KCNN2: variants seen among roughly 807,000 people sequenced by gnomAD.
The protein encoded by KCNN2 is potassium calcium-activated channel subfamily N member 2, also known as small conductance calcium-activated potassium channel protein 2.
KCNN2 carries 24 observed loss-of-function variants against 55.5 expected under a neutral mutation model. The observed-to-expected ratio is 0.43, with a 90% CI of 0.31 to 0.61. The LOEUF is 0.61. Ranked by LOEUF, KCNN2 falls within the 20% of genes least tolerant of loss-of-function variation. KCNN2 has a pLI of 0.08. For missense variants in KCNN2, 754 were observed against 853.6 expected, an observed-to-expected ratio of 0.88 and a Z score of 1.45; for synonymous variants, 431 against 336.1, an observed-to-expected ratio of 1.28 and a Z score of -3.09.
rs139352881 is a variant in KCNN2 at position 114,362,840 on chromosome 5, G to C, written c.701G>C (p.Arg234Pro). The C allele has an allele frequency of 6.3e-7, 1 of 1,599,994 alleles. No individual in the cohort carries two copies. The highest frequency in any genetic ancestry group is 1.3e-5 in the African/African-American group (1 of 74,820). The change falls in exon 1 of 8, where the codon CGG (arginine) becomes CCG (proline). Residue 234 changes from arginine (R) to proline (P), a missense_variant. Coordinates refer to ENST00000673685, the MANE Select transcript of KCNN2 (RefSeq NM_021614.4). ...CTCAGCAACTTGAGCGCGTCCCGCC[G>C]GAACCTGCACGAGATGGACTCAGAG... ...RPLSNLSASR[R>P]NLHEMDSEAQ...
intron 1 of KCNN2, among the ~76,000 whole-genome samples, chr5:114,128,885 C>G (rs999803071): frequency 5.3e-5 from 8 of 152,134 alleles, no homozygotes; most frequent in African/African-American, 1.7e-4. Context: ...ATTTAATTCT[C>G]TTATCTTGGA....
chr5:114,146,719 G>A (rs1752404924), intron 1 of KCNN2, among the ~76,000 whole-genome samples: 1 of 152,180 alleles, frequency 6.6e-6, no homozygotes, highest in Non-Finnish European at 1.5e-5. Flanking sequence ...TGTTTAGCTT[G>A]TTTCCAACTC....
intron 2 of KCNN2, among the ~76,000 whole-genome samples, chr5:114,314,893 G>A (rs1441120047): frequency 6.6e-6 from 1 of 152,144 alleles, no homozygotes; most frequent in Non-Finnish European, 1.5e-5. Flanking sequence ...CTCTAAACAT[G>A]AGGGTTAAAT....
At chr5:114,387,862 C>A (rs1758333030) in intron 2 of KCNN2, among the ~76,000 whole-genome samples, 1 of 152,184 alleles carries the variant, frequency 6.6e-6, no homozygotes, top group Non-Finnish European at 1.5e-5. Flanking sequence ...TGCTCTCCCC[C>A]TCTGCTCCCA....
chr5:114,381,391 C>T (rs1217633868), intron 2 of KCNN2, among the ~76,000 whole-genome samples: 1 of 152,078 alleles, frequency 6.6e-6, no homozygotes, highest in Non-Finnish European at 1.5e-5. Context: ...GGTTGTAAGA[C>T]TTGGTTGAAA....
At chr5:114,112,465 C>T (rs1053171654) in intron 1 of KCNN2, among the ~76,000 whole-genome samples, 1 of 152,078 alleles carries the variant, frequency 6.6e-6, no homozygotes, top group Non-Finnish European at 1.5e-5. Context: ...TACCATAGAA[C>T]CAAAGTATAA....
chr5:114,184,512 G>A (rs1753293932), intron 1 of KCNN2, among the ~76,000 whole-genome samples: 1 of 152,092 alleles, frequency 6.6e-6, no homozygotes, highest in African/African-American at 2.4e-5. Flanking sequence ...AGTTTGTCAT[G>A]CTTATTATGA....
rs1175218618 is a variant in KCNN2 at position 114,373,657 on chromosome 5, T to TATATATATATAA, written c.1218+9657_1218+9658insTATATATATAAA. On this transcript the variant is annotated intron_variant, in intron 2 of 7. Transcript: ENST00000673685. ...TGAAGATTTTATATATATATATATATAAAATTACTTGGAACACTGCCTGGC... is the reference window on the plus strand; with the variant it reads ...TGAAGATTTTATATATATATATATATATATATATATAAAAAATTACTTGGAACACTGCCTGGC... Among the ~76,000 whole-genome samples the TATATATATATAA allele has an allele frequency of 4.0e-4, 47 of 117,630 alleles. 4 individuals carry two copies. The highest frequency in any genetic ancestry group is 1.1e-3 in the African/African-American group (38 of 33,852). The allele number at this position is 117,630 out of a possible 152,430, so 77.2% of individuals were successfully genotyped here.
At chr5:114,186,284 A>G (rs544814983) in intron 1 of KCNN2, among the ~76,000 whole-genome samples, 1 of 152,284 alleles carries the variant, frequency 6.6e-6, no homozygotes, top group South Asian at 2.1e-4. Context: ...CCGTAAATCT[A>G]GATGTAAAAT....
intron 1 of KCNN2, among the ~76,000 whole-genome samples, chr5:114,130,743 T>A (rs1006395701): frequency 6.6e-6 from 1 of 152,168 alleles, no homozygotes; most frequent in Admixed American, 6.5e-5. Context: ...GTCCCAACAC[T>A]AATATAATCC....
intron 3 of KCNN2, among the ~76,000 whole-genome samples, chr5:114,435,454 C>G (rs928201131): frequency 3.3e-5 from 5 of 151,886 alleles, no homozygotes; most frequent in Non-Finnish European, 7.4e-5. Context: ...CTCCTTTGGG[C>G]CAGAAACTGG....
At position 114,369,116 on chromosome 5, in the gene KCNN2, A is replaced by G. The variant is rs192101656; in HGVS notation, c.1218+5115A>G. On this transcript the variant is annotated intron_variant, in intron 2 of 7. Transcript: ENST00000673685. ...CATTTTAAATGGAAAGGTATTGCCC[A>G]CTAGTCTTCTAGAAAGGCCGTCAGA... 5.2e-3 allele frequency among the ~76,000 whole-genome samples: 787 copies of G among 152,330 alleles called. 6 individuals are homozygous for G. Among genetic ancestry groups the G allele is most frequent in the Non-Finnish European group, 3.8e-3 (257 of 68,018 alleles).
chr5:114,128,729 G>A (rs1751988729), intron 1 of KCNN2, among the ~76,000 whole-genome samples: 1 of 152,068 alleles, frequency 6.6e-6, no homozygotes, highest in South Asian at 2.1e-4. Flanking sequence ...AATTAGTCTG[G>A]ATTCCATACT....
At chr5:114,172,042 T>A (rs1300278206) in intron 1 of KCNN2, among the ~76,000 whole-genome samples, 3 of 151,894 alleles carry the variant, frequency 2.0e-5, no homozygotes, top group African/African-American at 7.2e-5. Context: ...ATTGATCCTA[T>A]AATGCTTCTA....
At chr5:114,096,397 C>G (rs1229643431) in intron 1 of KCNN2, among the ~76,000 whole-genome samples, 1 of 152,140 alleles carries the variant, frequency 6.6e-6, no homozygotes, top group Non-Finnish European at 1.5e-5. Flanking sequence ...GTAATACAAT[C>G]TCAATTTACA....
At chr5:114,106,382 T>C (rs1751483231) in intron 1 of KCNN2, among the ~76,000 whole-genome samples, 1 of 151,926 alleles carries the variant, frequency 6.6e-6, no homozygotes, top group Non-Finnish European at 1.5e-5. Flanking sequence ...AATTGCTTGC[T>C]TATAGGATTT....
intron 3 of KCNN2, among the ~76,000 whole-genome samples, chr5:114,435,201 C>T (rs1221624493): frequency 6.7e-6 from 1 of 149,846 alleles, no homozygotes; most frequent in Non-Finnish European, 1.5e-5. Context: ...TGCACAGTCT[C>T]TAGCAATTAG....
intron 3 of KCNN2, among the ~76,000 whole-genome samples, chr5:114,450,042 G>T (rs1424289553): frequency 6.6e-6 from 1 of 152,164 alleles, no homozygotes. Flanking sequence ...ACTCTGCAGA[G>T]CAGCTGTGGG....
chr5:114,362,359 T>G lies in KCNN2; in HGVS notation c.220T>G (p.Ser74Ala), dbSNP rs1157168359. ...SPCLRCNSCA[S>A]SGAPAAGAGD... ...ATGCCTCCGGTGCAACAGCTGCGCC[T>G]CCTCCGGTGCCCCGGCGGCGGGGGC... Residue 74 changes from serine to alanine, a missense_variant, in exon 1 of 8, where the codon TCC becomes GCC. Ser to Ala is a moderately conservative substitution (Grantham distance 99). Transcript: ENST00000673685. 5.0e-6 allele frequency: 1 copy of G among 199,136 alleles called. No individual in the cohort carries two copies. Among genetic ancestry groups the G allele is most frequent in the Non-Finnish European group, 1.0e-5 (1 of 100,210 alleles). The allele number at this position is 199,136 out of a possible 1,614,324, so 12.3% of individuals were successfully genotyped here. A position where few individuals can be genotyped will look rare whatever the true frequency, so the allele number is the denominator to read the frequency against.
Sources: allele counts gnomAD v4.1 joint callset (sites outside exome capture counted in the v4.1 genomes callset), GRCh38; gene constraint gnomAD v4.1.1; transcripts MANE v1.5; gene names NCBI Gene and HGNC (gene_info 2026-07-23, HGNC 2026-07-21).